SH3RF3: variants seen among roughly 807,000 people sequenced by gnomAD.
SH3RF3 encodes the protein E3 ubiquitin-protein ligase SH3RF3.
Under a neutral mutation model 66.3 loss-of-function variants are expected in SH3RF3, and 29 were observed. That is an observed-to-expected ratio of 0.44 (90% CI 0.33 to 0.60). The LOEUF is 0.60. Among genes scored for constraint, SH3RF3 ranks in the 20% least tolerant of loss-of-function variants. The pLI, the probability that SH3RF3 is intolerant of heterozygous loss-of-function variation, is 0.04. For missense variants in SH3RF3, 1,194 were observed against 1,190.9 expected (o/e 1.00, Z -0.04); for synonymous variants, 583 against 532.0 (o/e 1.10, Z -1.32).
chr2:109,312,901 G>T (rs139250912), intron 1 of SH3RF3, among the ~76,000 whole-genome samples: 78 of 152,236 alleles, frequency 5.1e-4, no homozygotes, highest in South Asian at 3.9e-3. Context: ...GGACTTGCTG[G>T]GTCACGTGGT....
intron 1 of SH3RF3, among the ~76,000 whole-genome samples, chr2:109,199,582 T>TCAA (rs1558953881): frequency 2.1e-3 from 1 of 480 alleles, no homozygotes; most frequent in African/African-American, 6.3e-3. Flanking sequence ...TGGAATGGAA[T>TCAA]GGAATGGAAT....
chr2:109,410,812 G>A (rs1052633254), intron 4 of SH3RF3, among the ~76,000 whole-genome samples: 6 of 151,876 alleles, frequency 4.0e-5, no homozygotes, highest in African/African-American at 1.5e-4. Flanking sequence ...CGACTTCGTG[G>A]GAGACAGGGC....
rs779795097 is a variant in SH3RF3, at chr2:109,371,598, A to G, written c.862A>G (p.Thr288Ala). The change falls in exon 3 of 10, where the codon ACG (threonine) becomes GCG (alanine). Residue 288 changes from threonine to alanine, a missense_variant. Thr to Ala is a moderately conservative substitution (Grantham distance 58, BLOSUM62 0). Coordinates refer to ENST00000309415, the MANE Select transcript of SH3RF3 (RefSeq NM_001099289.3). ...CLTFTKDEIL[T>A]VLRRVDENWA... The stretch of plus-strand genomic sequence containing the variant: ...CCCGGAACTGCAGGACGAGATTCTG[A>G]CGGTGCTCAGGAGAGTGGATGAGAA... The G allele has an allele frequency of 6.2e-7, 1 of 1,613,898 alleles. No individual in the cohort carries two copies.
chr2:109,451,310 T>A (rs958718109), intron 8 of SH3RF3, among the ~76,000 whole-genome samples: 33 of 152,282 alleles, frequency 2.2e-4, no homozygotes, highest in African/African-American at 7.7e-4. Flanking sequence ...TGTGGCTGGG[T>A]CTCATCAGGA....
At chr2:109,187,820 A>G (rs1678232648) in intron 1 of SH3RF3, among the ~76,000 whole-genome samples, 1 of 152,206 alleles carries the variant, frequency 6.6e-6, no homozygotes, top group Admixed American at 6.5e-5. Flanking sequence ...ATCCTCTGCC[A>G]TTGTGACCAG....
intron 1 of SH3RF3, among the ~76,000 whole-genome samples, chr2:109,217,431 T>TCCA (rs554542484): frequency 1.3e-5 from 2 of 152,362 alleles, no homozygotes; most frequent in South Asian, 2.1e-4. Context: ...GCTCACCAGA[T>TCCA]GGTTTGTCTC....
intron 5 of SH3RF3, 35 bp downstream of exon 5, chr2:109,419,677 C>A: frequency 6.5e-7 from 1 of 1,539,410 alleles, no homozygotes; most frequent in Non-Finnish European, 8.8e-7. Flanking sequence ...GGGTCCTGTG[C>A]CTGCAGCCCT....
In SH3RF3 at chr2:109,154,325, T is replaced by C. The variant is rs572727032; in HGVS notation, c.573+24212T>C. On this transcript the variant is annotated intron_variant, in intron 1 of 9. Coordinates refer to ENST00000309415, the MANE Select transcript of SH3RF3 (RefSeq NM_001099289.3). ...CCTGTTTCCCAGCTTGGGTAGGTGA[T>C]TGGGGTTATCATGGAGGGGGTGGTT... 7.2e-5 allele frequency among the ~76,000 whole-genome samples: 11 copies of C among 152,110 alleles called. 1 individual carries two copies. In the South Asian group the frequency reaches 2.3e-3, roughly 32 times the overall value.
At chr2:109,271,486 A>G (rs1024360112) in intron 1 of SH3RF3, among the ~76,000 whole-genome samples, 4 of 152,234 alleles carry the variant, frequency 2.6e-5, no homozygotes, top group Non-Finnish European at 5.9e-5. Flanking sequence ...CCGTAAATCA[A>G]CGTGAGACTT....
chr2:109,244,196 A>G (rs904943269), intron 1 of SH3RF3, among the ~76,000 whole-genome samples: 2 of 152,200 alleles, frequency 1.3e-5, no homozygotes, highest in African/African-American at 4.8e-5. Context: ...CTGCAAAACA[A>G]TGGATTCTAA....
At chr2:109,434,286 G>A (rs1242778210) in intron 6 of SH3RF3, among the ~76,000 whole-genome samples, 1 of 152,238 alleles carries the variant, frequency 6.6e-6, no homozygotes, top group Non-Finnish European at 1.5e-5. Flanking sequence ...GTTATATGAG[G>A]AGGCAGGTTC....
intron 8 of SH3RF3, among the ~76,000 whole-genome samples, chr2:109,466,452 A>G (rs574245286): frequency 1.3e-5 from 2 of 152,120 alleles, no homozygotes; most frequent in Admixed American, 6.5e-5. Flanking sequence ...GTTTTCTTAT[A>G]AAGTTTTAAG....
At chr2:109,355,774 T>C (rs1027849910) in intron 2 of SH3RF3, among the ~76,000 whole-genome samples, 1 of 152,214 alleles carries the variant, frequency 6.6e-6, no homozygotes, top group Non-Finnish European at 1.5e-5. Context: ...GGATCAGTCT[T>C]GCCGTCTTCA....
At chr2:109,403,430 G>GC (rs1676369080) in intron 4 of SH3RF3, among the ~76,000 whole-genome samples, 1 of 152,226 alleles carries the variant, frequency 6.6e-6, no homozygotes. Flanking sequence ...GGAAGCCGAG[G>GC]CCCCAGGGGT....
chr2:109,387,912 T>C (rs1043944613), intron 3 of SH3RF3, among the ~76,000 whole-genome samples: 7 of 151,858 alleles, frequency 4.6e-5, no homozygotes, highest in African/African-American at 1.7e-4. Flanking sequence ...CCTTCCTGAC[T>C]CGTTCCACTG....
intron 1 of SH3RF3, among the ~76,000 whole-genome samples, chr2:109,283,674 G>A (rs1032975065): frequency 1.3e-5 from 2 of 152,210 alleles, no homozygotes; most frequent in African/African-American, 2.4e-5. Context: ...GGAAGCAGGG[G>A]ACAGTAGCCC....
chr2:109,407,200 G>C (rs1353041263), intron 4 of SH3RF3, among the ~76,000 whole-genome samples: 3 of 152,200 alleles, frequency 2.0e-5, no homozygotes, highest in Non-Finnish European at 4.4e-5. Flanking sequence ...CAGCTTCTCT[G>C]TTCTGGAGAG....
chr2:109,200,534 A>G (rs1302609692), intron 1 of SH3RF3, among the ~76,000 whole-genome samples: 1 of 152,096 alleles, frequency 6.6e-6, no homozygotes, highest in Non-Finnish European at 1.5e-5. Context: ...CCCTGTGTGC[A>G]GAGCCTCCAG....
chr2:109,317,267 G>A (rs1043316991), intron 1 of SH3RF3, among the ~76,000 whole-genome samples: 1 of 152,156 alleles, frequency 6.6e-6, no homozygotes, highest in African/African-American at 2.4e-5. Context: ...CTTGTGCACA[G>A]ATAGCGTCAA....
Sources: allele counts gnomAD v4.1 joint callset (sites outside exome capture counted in the v4.1 genomes callset), GRCh38; gene constraint gnomAD v4.1.1; transcripts MANE v1.5; gene names NCBI Gene and HGNC (gene_info 2026-07-23, HGNC 2026-07-21).